TCERG1L: variants seen among roughly 807,000 people sequenced by gnomAD.
The protein encoded by TCERG1L is transcription elongation regulator 1 like.
TCERG1L carries 37 observed loss-of-function variants against 56.3 expected under a neutral mutation model. The ratio of observed to expected loss-of-function variants is 0.66; its 90% CI spans 0.51 to 0.87. The LOEUF (loss-of-function observed/expected upper bound fraction) is 0.87. TCERG1L is among the 40% of genes least tolerant of loss of function. TCERG1L has a pLI of 0.00. For synonymous variants in TCERG1L, 324 were observed against 326.3 expected (o/e 0.99, Z 0.08); for missense variants, 799 against 774.2 (o/e 1.03, Z -0.38).
intron 7 of TCERG1L, among the ~76,000 whole-genome samples, chr10:131,141,955 G>T (rs1199443110): frequency 6.6e-6 from 1 of 152,160 alleles, no homozygotes; most frequent in Non-Finnish European, 1.5e-5. Flanking sequence ...TGCACCGGCT[G>T]CCCTGCAAGC....
intron 10 of TCERG1L, among the ~76,000 whole-genome samples, chr10:131,101,234 A>G (rs1168922245): frequency 6.6e-6 from 1 of 152,184 alleles, no homozygotes; most frequent in East Asian, 1.9e-4. Context: ...TGGGATGCCC[A>G]TGTCCCCCAG....
chr10:131,204,057 C>T (rs1327462361), intron 4 of TCERG1L, among the ~76,000 whole-genome samples: 1 of 152,216 alleles, frequency 6.6e-6, no homozygotes, highest in Non-Finnish European at 1.5e-5. Flanking sequence ...AATGAGCGAC[C>T]TCATGGAAGG....
chr10:131,272,988 G>C (rs1168998269), intron 3 of TCERG1L, among the ~76,000 whole-genome samples: 1 of 152,212 alleles, frequency 6.6e-6, no homozygotes, highest in Non-Finnish European at 1.5e-5. Flanking sequence ...TTTGCTGATG[G>C]GGAGGGTCTG....
intron 4 of TCERG1L, among the ~76,000 whole-genome samples, chr10:131,170,972 C>A (rs866264978): frequency 6.6e-6 from 1 of 152,010 alleles, no homozygotes; most frequent in Non-Finnish European, 1.5e-5. Flanking sequence ...ATGGTGAAAC[C>A]CTGTCTCTAC....
intron 8 of TCERG1L, among the ~76,000 whole-genome samples, chr10:131,132,996 C>CGCTT (rs1040101914): frequency 1.3e-5 from 2 of 152,188 alleles, no homozygotes; most frequent in African/African-American, 4.8e-5. Context: ...CTGATCACCT[C>CGCTT]GCTGGCTTGG....
chr10:131,187,843 T>A (rs568172554), intron 4 of TCERG1L, among the ~76,000 whole-genome samples: 1 of 152,038 alleles, frequency 6.6e-6, no homozygotes, highest in East Asian at 1.9e-4. Context: ...TGTTAGCAGA[T>A]AGAAAGAAAA....
chr10:131,281,891 C>T (rs570018913), intron 3 of TCERG1L, among the ~76,000 whole-genome samples: 2 of 150,576 alleles, frequency 1.3e-5, no homozygotes, highest in South Asian at 2.1e-4. Flanking sequence ...AATCCCAGCA[C>T]TTTGGGAGGC....
At chr10:131,185,062 C>T (rs1221052568) in intron 4 of TCERG1L, among the ~76,000 whole-genome samples, 1 of 152,080 alleles carries the variant, frequency 6.6e-6, no homozygotes, top group African/African-American at 2.4e-5. Flanking sequence ...TGCCACCACA[C>T]TCCAGCCTGG....
Position 131,264,452 on chromosome 10 carries a change from T to C in TCERG1L, c.671-4008A>G, listed in dbSNP as rs568082227. ...AAGCCATACAGCTTGGTACTTAGTA[T>C]ACAGATTTGCACCTGAGGAGTCGGG... On this transcript the variant is annotated intron_variant, in intron 3 of 11. Transcript: ENST00000368642. 3.9e-5 allele frequency among the ~76,000 whole-genome samples: 6 copies of C among 152,312 alleles called. 1 individual carries two copies. The South Asian group carries it at 1.0e-3, about 26-fold the overall frequency.
intron 7 of TCERG1L, 68 bp from the exon 8 acceptor site, chr10:131,134,516 G>A (rs1212250513): frequency 1.6e-6 from 2 of 1,224,824 alleles, no homozygotes; most frequent in African/African-American, 3.0e-5. Flanking sequence ...ACCACCAGGT[G>A]ACACTCACTT....
chr10:131,289,235 G>A (rs78572041), intron 3 of TCERG1L, among the ~76,000 whole-genome samples: 3,065 of 151,496 alleles, frequency 0.02, 76 homozygotes, highest in East Asian at 0.075. Context: ...TTTCGTGAGC[G>A]TCACGTGACG....
At chr10:131,256,948 A>AGAAG (rs71009955) in intron 4 of TCERG1L, among the ~76,000 whole-genome samples, 742 of 60,744 alleles carry the variant, frequency 0.012, 34 homozygotes, top group East Asian at 0.036. Context: ...AGGAAGAGAA[A>AGAAG]GAAGGAAGGA....
At chr10:131,157,955 C>T (rs11814165) in intron 6 of TCERG1L, among the ~76,000 whole-genome samples, 1,533 of 152,368 alleles carry the variant, frequency 0.01, 27 homozygotes, top group African/African-American at 0.035. Flanking sequence ...GGCCATTAGA[C>T]AAGAGTGAGT....
intron 1 of TCERG1L, among the ~76,000 whole-genome samples, chr10:131,310,798 C>T (rs545154928): frequency 6.6e-6 from 1 of 152,324 alleles, no homozygotes; most frequent in South Asian, 2.1e-4. Flanking sequence ...TTCTCTTAAG[C>T]ATTGCCCTGA....
intron 3 of TCERG1L, among the ~76,000 whole-genome samples, chr10:131,303,105 T>C (rs1303640862): frequency 6.6e-6 from 1 of 152,062 alleles, no homozygotes; most frequent in Non-Finnish European, 1.5e-5. Flanking sequence ...CATGTGTCTT[T>C]ATAGTAGAAT....
At chr10:131,149,788 G>A (rs971838882) in intron 6 of TCERG1L, among the ~76,000 whole-genome samples, 4 of 152,176 alleles carry the variant, frequency 2.6e-5, no homozygotes, top group African/African-American at 7.2e-5. Flanking sequence ...TAGACTCATC[G>A]ATGAGACCCT....
In TCERG1L at chr10:131,285,423, GAGAGAA is replaced by G. The variant is rs1329734758; in HGVS notation, c.670+22782_670+22787del. Reference sequence around the variant, plus strand: ...GAAAGGAAGGAAGGAAAGAGAGAGAGAGAGAAAGAGAGAAAGAGAAACAAAGAAAGA... The same window carrying G: ...GAAAGGAAGGAAGGAAAGAGAGAGAGAGAGAGAAAGAGAAACAAAGAAAGA... On this transcript the variant is annotated intron_variant, in intron 3 of 11. Coordinates refer to ENST00000368642, the MANE Select transcript of TCERG1L (RefSeq NM_174937.4). Among the ~76,000 whole-genome samples the G allele has an allele frequency of 3.6e-3, 391 of 109,554 alleles. 12 individuals carry two copies. The highest frequency in any genetic ancestry group is 0.01 in the African/African-American group (335 of 33,264). The allele number at this position is 109,554 out of a possible 152,430, so 71.9% of individuals were successfully genotyped here.
intron 4 of TCERG1L, among the ~76,000 whole-genome samples, chr10:131,199,915 C>T (rs1845412932): frequency 6.6e-6 from 1 of 152,220 alleles, no homozygotes; most frequent in African/African-American, 2.4e-5. Context: ...GGCGGCTGCC[C>T]TCACTCTGGC....
chr10:131,146,062 A>T (rs1254076749), intron 7 of TCERG1L, among the ~76,000 whole-genome samples: 1 of 152,172 alleles, frequency 6.6e-6, no homozygotes, highest in Non-Finnish European at 1.5e-5. Context: ...GTTTTATGGA[A>T]TTGAGGCATC....
Sources: allele counts gnomAD v4.1 joint callset (sites outside exome capture counted in the v4.1 genomes callset), GRCh38; gene constraint gnomAD v4.1.1; transcripts MANE v1.5; gene names NCBI Gene and HGNC (gene_info 2026-07-23, HGNC 2026-07-21).